The following TAFA2 variants were observed in gnomAD, a reference collection of about 807,000 sequenced individuals.
The protein encoded by TAFA2 is chemokine-like protein TAFA-2.
TAFA2 carries 7 observed loss-of-function variants against 18.8 expected under a neutral mutation model. The ratio of observed to expected loss-of-function variants is 0.37; its 90% CI spans 0.21 to 0.70. The LOEUF is 0.70. Ranked by LOEUF, TAFA2 falls within the 30% of genes least tolerant of loss-of-function variation. The pLI is 0.53. For missense variants in TAFA2, 122 were observed against 158.1 expected (o/e 0.77, Z 1.23); for synonymous variants, 60 against 54.2 (o/e 1.11, Z -0.47).
At chr12:62,093,351 A>T (rs1460914210) in intron 1 of TAFA2, among the ~76,000 whole-genome samples, 3 of 152,026 alleles carry the variant, frequency 2.0e-5, no homozygotes, top group Non-Finnish European at 4.4e-5. Flanking sequence ...AATATTAATG[A>T]TGGAAATGAA....
intron 1 of TAFA2, among the ~76,000 whole-genome samples, chr12:61,881,257 T>C (rs529877270): frequency 1.3e-5 from 2 of 152,290 alleles, no homozygotes; most frequent in Non-Finnish European, 2.9e-5. Context: ...GTAATCAGGA[T>C]ACATTCTGAG....
chr12:62,127,878 G>C (rs1870529117), intron 1 of TAFA2, among the ~76,000 whole-genome samples: 1 of 151,990 alleles, frequency 6.6e-6, no homozygotes, highest in Admixed American at 6.6e-5. Flanking sequence ...TACATAGTAA[G>C]TACTCAATTA....
chr12:62,126,929 A>G (rs769346543), intron 1 of TAFA2, among the ~76,000 whole-genome samples: 2 of 152,236 alleles, frequency 1.3e-5, no homozygotes, highest in Non-Finnish European at 2.9e-5. Flanking sequence ...AAATACACAT[A>G]AGACATGATA....
At chr12:62,114,854 T>C (rs549008545) in intron 1 of TAFA2, among the ~76,000 whole-genome samples, 5 of 152,184 alleles carry the variant, frequency 3.3e-5, no homozygotes, top group Non-Finnish European at 7.3e-5. Flanking sequence ...TTGCTTTTCT[T>C]GGTATAATTC....
At chr12:61,769,337 T>C (rs750219892) in intron 2 of TAFA2, among the ~76,000 whole-genome samples, 1 of 151,486 alleles carries the variant, frequency 6.6e-6, no homozygotes, top group African/African-American at 2.4e-5. Flanking sequence ...TCTGAATACT[T>C]ATCCAGGCAA....
intron 4 of TAFA2, among the ~76,000 whole-genome samples, chr12:61,725,163 C>T (rs1216783597): frequency 1.3e-5 from 2 of 151,722 alleles, no homozygotes; most frequent in East Asian, 3.9e-4. Context: ...ATTTGAGTTC[C>T]TTTGTAGATT....
At chr12:62,113,475 G>A (rs1177513976) in intron 1 of TAFA2, among the ~76,000 whole-genome samples, 4 of 152,138 alleles carry the variant, frequency 2.6e-5, no homozygotes, top group Non-Finnish European at 5.9e-5. Context: ...CGGAGTTCAG[G>A]GACTCACTTG....
intron 1 of TAFA2, among the ~76,000 whole-genome samples, chr12:61,928,557 C>T (rs1188330104): frequency 6.6e-6 from 1 of 152,090 alleles, no homozygotes; most frequent in East Asian, 1.9e-4. Context: ...AATGCTTTTA[C>T]ACTGTTGTGG....
chr12:61,911,668 G>A (rs1876619199), intron 1 of TAFA2, among the ~76,000 whole-genome samples: 2 of 152,060 alleles, frequency 1.3e-5, no homozygotes. Flanking sequence ...AACAAAACCA[G>A]GTTTGGTACC....
chr12:61,907,510 T>C (rs1404553107), intron 1 of TAFA2, among the ~76,000 whole-genome samples: 1 of 152,188 alleles, frequency 6.6e-6, no homozygotes, highest in Non-Finnish European at 1.5e-5. Context: ...TGGAAATGCC[T>C]GGATCTCCAG....
intron 1 of TAFA2, among the ~76,000 whole-genome samples, chr12:62,008,974 A>G (rs779622656): frequency 1.3e-5 from 2 of 152,206 alleles, no homozygotes; most frequent in African/African-American, 4.8e-5. Flanking sequence ...TTTTCTAACT[A>G]GTAAATTTTT....
At position 62,165,668 on chromosome 12, in the gene TAFA2, C is replaced by T. The variant is rs142336263; in HGVS notation, c.-2+25591G>A. 3.7e-4 allele frequency among the ~76,000 whole-genome samples: 57 copies of T among 152,122 alleles called. 1 individual carries two copies. The highest frequency in any genetic ancestry group is 1.3e-3 in the Admixed American group (20 of 15,252). On this transcript the variant is annotated intron_variant, in intron 1 of 4. Transcript: ENST00000416284. The stretch of plus-strand genomic sequence containing the variant: ...ATAGAGATATCTCTGTGTTTCCTCA[C>T]CCTTCGTAAGTAATCTGCCACAAAT...
At chr12:61,895,223 G>T (rs1405973064) in intron 1 of TAFA2, among the ~76,000 whole-genome samples, 1 of 152,086 alleles carries the variant, frequency 6.6e-6, no homozygotes, top group African/African-American at 2.4e-5. Flanking sequence ...AATAAAAATA[G>T]AATCATAAAT....
intron 1 of TAFA2, among the ~76,000 whole-genome samples, chr12:61,888,097 T>C (rs1875469285): frequency 6.6e-6 from 1 of 151,928 alleles, no homozygotes; most frequent in Non-Finnish European, 1.5e-5. Context: ...CTGGAGAGGA[T>C]GTGGAGAAAC....
chr12:62,088,803 C>T (rs1245362), intron 1 of TAFA2, among the ~76,000 whole-genome samples: 129,352 of 151,906 alleles, frequency 0.85, 55,252 homozygotes, highest in African/African-American at 0.86. Context: ...GAGTGCCAAA[C>T]ACATTATTAT....
At chr12:61,837,938 G>T (rs923207148) in intron 2 of TAFA2, among the ~76,000 whole-genome samples, 1 of 151,976 alleles carries the variant, frequency 6.6e-6, no homozygotes, top group African/African-American at 2.4e-5. Context: ...ATTTGAGTTG[G>T]CAGTGTGGCT....
intron 1 of TAFA2, among the ~76,000 whole-genome samples, chr12:61,930,222 C>T (rs1877499895): frequency 6.6e-6 from 1 of 152,058 alleles, no homozygotes; most frequent in Admixed American, 6.6e-5. Flanking sequence ...AATCTGTTTA[C>T]ACAAAATAGA....
chr12:62,094,617 GTTTA>G (rs903924205), intron 1 of TAFA2, among the ~76,000 whole-genome samples: 2 of 151,838 alleles, frequency 1.3e-5, no homozygotes, highest in East Asian at 1.9e-4. Flanking sequence ...TTACAGATTT[GTTTA>G]TTTATTTTGG....
intron 2 of TAFA2, among the ~76,000 whole-genome samples, chr12:61,800,527 A>C (rs756593506): frequency 2.0e-5 from 3 of 152,178 alleles, no homozygotes; most frequent in African/African-American, 4.8e-5. Flanking sequence ...ATACTCAGGA[A>C]ATTGGCCTAT....
Sources: allele counts gnomAD v4.1 joint callset (sites outside exome capture counted in the v4.1 genomes callset), GRCh38; gene constraint gnomAD v4.1.1; transcripts MANE v1.5; gene names NCBI Gene and HGNC (gene_info 2026-07-23, HGNC 2026-07-21).